GRIA2: variants seen among roughly 807,000 people sequenced by gnomAD.
GRIA2 encodes glutamate ionotropic receptor AMPA type subunit 2.
In GRIA2, 14 loss-of-function variants were observed where a neutral mutation model predicts 97.3. The ratio of observed to expected loss-of-function variants is 0.14; its 90% CI spans 0.10 to 0.23. The LOEUF is 0.23. Ranked by LOEUF, GRIA2 falls within the 10% of genes least tolerant of loss-of-function variation. The pLI, the probability that GRIA2 is intolerant of heterozygous loss-of-function variation, is 1.00. For synonymous variants in GRIA2, 412 were observed against 387.8 expected, an observed-to-expected ratio of 1.06 and a Z score of -0.73; for missense variants, 558 against 1,069.8, an observed-to-expected ratio of 0.52 and a Z score of 6.67.
chr4:157,321,623 CT>C, intron 6 of GRIA2, 24 bp downstream of exon 6: 4 of 1,558,226 alleles, frequency 2.6e-6, no homozygotes, highest in Non-Finnish European at 3.5e-6. Flanking sequence ...TCTGTCTTTT[CT>C]TTTTCTTTCA....
chr4:157,336,385 T>C lies in GRIA2; in HGVS notation c.1482T>C (p.Asp494=). 3 of 1,545,540 alleles carry C rather than the reference T, an allele frequency of 1.9e-6. No individual in the cohort carries two copies. The highest frequency in any genetic ancestry group is 2.6e-6 in the Non-Finnish European group (3 of 1,148,252). The change falls in exon 11 of 16, where the codon GAT becomes GAC. Residue 494 remains aspartate, a synonymous_variant. Transcript: ENST00000264426. ...MVGELVYGKA[D]IAIAPLTITL... ...CTTTTTTTCCCTTACAGAAAGCTGA[T>C]ATTGCAATTGCTCCATTAACTATTA...
chr4:157,281,831 T>C (rs1182464609), intron 2 of GRIA2, among the ~76,000 whole-genome samples: 1 of 152,054 alleles, frequency 6.6e-6, no homozygotes, highest in African/African-American at 2.4e-5. Flanking sequence ...AACCAGCACG[T>C]CCTAGCTTTT....
At chr4:157,282,481 A>G (rs1365741136) in intron 2 of GRIA2, among the ~76,000 whole-genome samples, 1 of 152,100 alleles carries the variant, frequency 6.6e-6, no homozygotes, top group African/African-American at 2.4e-5. Context: ...AAGTTTAAGA[A>G]TGAAGAAAAT....
intron 6 of GRIA2, among the ~76,000 whole-genome samples, chr4:157,322,498 G>C (rs1232482026): frequency 1.3e-5 from 2 of 152,060 alleles, no homozygotes; most frequent in East Asian, 3.9e-4. Flanking sequence ...ATCTTCACTT[G>C]TTTATTTGAT....
chr4:157,351,164 A>G (rs2126972073), intron 12 of GRIA2, among the ~76,000 whole-genome samples: 1 of 152,204 alleles, frequency 6.6e-6, no homozygotes, highest in East Asian at 1.9e-4. Flanking sequence ...TGTTCTTTAA[A>G]TATGATTGAT....
intron 12 of GRIA2, among the ~76,000 whole-genome samples, chr4:157,354,451 TATTTTCTGTGA>T (rs763319127): frequency 2.2e-4 from 33 of 152,202 alleles, no homozygotes; most frequent in Admixed American, 2.2e-3. Flanking sequence ...GATACACTGT[TATTTTCTGTGA>T]ATTATTAGTT....
chr4:157,358,682 G>A (rs1031434579), intron 12 of GRIA2, among the ~76,000 whole-genome samples: 2 of 152,020 alleles, frequency 1.3e-5, no homozygotes, highest in South Asian at 2.1e-4. Context: ...CACAACTTAA[G>A]TCTGAGCATC....
At chr4:157,226,620 G>A (rs1420235487) in intron 2 of GRIA2, among the ~76,000 whole-genome samples, 1 of 152,024 alleles carries the variant, frequency 6.6e-6, no homozygotes, top group Non-Finnish European at 1.5e-5. Flanking sequence ...ATTAATTGAT[G>A]TTTGCTAAGA....
intron 2 of GRIA2, among the ~76,000 whole-genome samples, chr4:157,271,418 C>T (rs942689360): frequency 3.3e-5 from 5 of 152,014 alleles, no homozygotes; most frequent in Non-Finnish European, 4.4e-5. Flanking sequence ...CCATGATACT[C>T]TTTTTGGGTT....
At chr4:157,230,381 A>G (rs1729947196) in intron 2 of GRIA2, among the ~76,000 whole-genome samples, 1 of 152,178 alleles carries the variant, frequency 6.6e-6, no homozygotes, top group Non-Finnish European at 1.5e-5. Context: ...AAATTACTAT[A>G]TTTCTTAAAA....
intron 3 of GRIA2, among the ~76,000 whole-genome samples, chr4:157,307,414 T>A (rs896988129): frequency 6.6e-6 from 1 of 152,176 alleles, no homozygotes; most frequent in South Asian, 2.1e-4. Context: ...CTAAGTTTAC[T>A]GGTGAGAGGA....
intron 15 of GRIA2, 32 bp downstream of exon 15, chr4:157,363,079 G>T (rs767488181): frequency 1.3e-6 from 2 of 1,575,554 alleles, no homozygotes; most frequent in Admixed American, 3.6e-5. Flanking sequence ...AAACTTTTTA[G>T]TGCACGTTTA....
At chr4:157,292,810 C>A (rs1733165149) in intron 2 of GRIA2, among the ~76,000 whole-genome samples, 1 of 152,076 alleles carries the variant, frequency 6.6e-6, no homozygotes, top group Non-Finnish European at 1.5e-5. Flanking sequence ...GGTTGACACC[C>A]ACTCACCCAT....
At chr4:157,309,574 G>T (rs1733988407) in intron 3 of GRIA2, among the ~76,000 whole-genome samples, 3 of 151,858 alleles carry the variant, frequency 2.0e-5, no homozygotes. Context: ...CTGATCTTGA[G>T]CTCCTGATCT....
rs28417554 is a variant in GRIA2, at chr4:157,231,829, T to A, written c.229+10022T>A. On this transcript the variant is annotated intron_variant, in intron 2 of 15. Coordinates refer to ENST00000264426, the MANE Select transcript of GRIA2 (RefSeq NM_001083619.3). ...TAACACCTAAGTTGAAGATATTTTT[T>A]AAAAAAATTAAAATATTTTTAGTGT... is the stretch of plus-strand genomic sequence containing the variant. 1.7e-3 allele frequency among the ~76,000 whole-genome samples: 252 copies of A among 152,258 alleles called. 1 individual carries two copies. Among genetic ancestry groups the A allele is most frequent in the African/African-American group, 5.5e-3 (229 of 41,560 alleles).
At chr4:157,261,732 T>C (rs1413594203) in intron 2 of GRIA2, among the ~76,000 whole-genome samples, 1 of 152,134 alleles carries the variant, frequency 6.6e-6, no homozygotes. Flanking sequence ...CTCAGTTGCT[T>C]ATTATCTTTG....
In GRIA2 at chr4:157,220,840, C is replaced by A. The variant is rs1385103754; in HGVS notation, c.-203C>A. On this transcript the variant is annotated 5_prime_UTR_variant, in exon 1 of 16. Coordinates refer to ENST00000264426, the MANE Select transcript of GRIA2 (RefSeq NM_001083619.3). ...GTCCTCCGGACTTCTGGAGCGGGGA[C>A]AGGGCGCAGGGCATCAGCAGCCACC... is the stretch of plus-strand genomic sequence containing the variant. 2 of 577,412 alleles carry A rather than the reference C, an allele frequency of 3.5e-6. No individual in the cohort carries two copies. The highest frequency in any genetic ancestry group is 6.2e-6 in the Non-Finnish European group (2 of 324,196). 35.8% of individuals were successfully genotyped at this position (577,412 alleles called of 1,614,324 possible). A position where few individuals can be genotyped will look rare whatever the true frequency, so the allele number is the denominator to read the frequency against.
At chr4:157,313,194 T>TTA (rs1734161418) in intron 4 of GRIA2, among the ~76,000 whole-genome samples, 1 of 152,118 alleles carries the variant, frequency 6.6e-6, no homozygotes, top group African/African-American at 2.4e-5. Flanking sequence ...CTGATGAACT[T>TTA]TTTAGAGTTA....
At chr4:157,253,651 A>G (rs1303209951) in intron 2 of GRIA2, among the ~76,000 whole-genome samples, 1 of 152,116 alleles carries the variant, frequency 6.6e-6, no homozygotes, top group African/African-American at 2.4e-5. Flanking sequence ...TGCCTCTACC[A>G]AAGTTTATTA....
Sources: allele counts gnomAD v4.1 joint callset (sites outside exome capture counted in the v4.1 genomes callset), GRCh38; gene constraint gnomAD v4.1.1; transcripts MANE v1.5; gene names NCBI Gene and HGNC (gene_info 2026-07-23, HGNC 2026-07-21).